Variants in FAM81A observed in about 807,000 individuals in gnomAD.
FAM81A encodes family with sequence similarity 81 member A.
Under a neutral mutation model 46.7 loss-of-function variants are expected in FAM81A, and 19 were observed. The observed-to-expected ratio is 0.41, with a 90% CI of 0.28 to 0.60. FAM81A has a LOEUF of 0.60. FAM81A is among the 20% of genes least tolerant of loss of function. The pLI is 0.34. For missense variants in FAM81A, 377 were observed against 453.5 expected (o/e 0.83, Z 1.53); for synonymous variants, 183 against 152.9 (o/e 1.20, Z -1.45).
chr15:59,481,845 A>G (rs566383521), intron 3 of FAM81A, among the ~76,000 whole-genome samples: 1 of 151,572 alleles, frequency 6.6e-6, no homozygotes, highest in South Asian at 2.1e-4. Flanking sequence ...TTTTATTTCT[A>G]TTTTTTAGGC....
At chr15:59,468,796 T>C (rs2081648498) in intron 3 of FAM81A, among the ~76,000 whole-genome samples, 1 of 152,208 alleles carries the variant, frequency 6.6e-6, no homozygotes, top group Non-Finnish European at 1.5e-5. Context: ...GTTCTTTTAA[T>C]TGTGTTGTTA....
chr15:59,452,300 C>A (rs1255254933), intron 1 of FAM81A, among the ~76,000 whole-genome samples: 2 of 152,188 alleles, frequency 1.3e-5, no homozygotes, highest in Non-Finnish European at 2.9e-5. Context: ...CATTAAGGGG[C>A]TGGCTAACAA....
In FAM81A at chr15:59,516,742, G is replaced by C. The variant is rs202139461; in HGVS notation, c.884G>C (p.Arg295Thr). 1.7e-5 allele frequency: 28 copies of C among 1,613,568 alleles called. No individual in the cohort carries two copies. The highest frequency in any genetic ancestry group is 2.4e-5 in the Non-Finnish European group (28 of 1,179,804). Reference protein sequence around the residue: ...EGQKKTFDGQRTRQEEEKMHG... With the variant: ...EGQKKTFDGQTTRQEEEKMHG... ...CAAAAGAAGACTTTTGATGGTCAGA[G>C]AACAAGGCAAGAAGAGGAGAAGATG... The change falls in exon 8 of 9, where the codon AGA (arginine) becomes ACA (threonine). Residue 295 changes from arginine to threonine, a missense_variant. Arg to Thr is a moderately conservative substitution (Grantham distance 71, BLOSUM62 -1). Transcript: ENST00000288228.
chr15:59,470,974 C>T (rs1197652366), intron 3 of FAM81A, among the ~76,000 whole-genome samples: 4 of 152,034 alleles, frequency 2.6e-5, no homozygotes, highest in African/African-American at 7.2e-5. Flanking sequence ...AGGTGCATGC[C>T]ACCACATCCA....
At chr15:59,495,780 T>G (rs1262317176) in intron 4 of FAM81A, among the ~76,000 whole-genome samples, 1 of 152,206 alleles carries the variant, frequency 6.6e-6, no homozygotes, top group East Asian at 1.9e-4. Flanking sequence ...GTGTTGAACA[T>G]CATTTAATGT....
rs1011601423 is a variant in FAM81A, at chr15:59,522,648, A to G, written c.*1270A>G. ...TGTATGTAAAAACTGACAGTGAGAC[A>G]CAACGTTCTGAACTGTGAGGGTGTC... On this transcript the variant is annotated 3_prime_UTR_variant, in exon 9 of 9. Coordinates refer to ENST00000288228, the MANE Select transcript of FAM81A (RefSeq NM_152450.3). The G allele has an allele frequency of 1.3e-5, 2 of 152,750 alleles. No individual in the cohort carries two copies. Among genetic ancestry groups the G allele is most frequent in the South Asian group, 4.1e-4 (2 of 4,830 alleles). 9.5% of individuals were successfully genotyped at this position (152,750 alleles called of 1,614,324 possible). A position where few individuals can be genotyped will look rare whatever the true frequency, so the allele number is the denominator to read the frequency against.
chr15:59,438,192 G>A lies in FAM81A; in HGVS notation c.-168G>A, dbSNP rs1228554955. 1 of 146,452 alleles carries A rather than the reference G, an allele frequency of 6.8e-6. No homozygotes were observed. The allele number at this position is 146,452 out of a possible 1,614,324, so 9.1% of individuals were successfully genotyped here. A position where few individuals can be genotyped will look rare whatever the true frequency, so the allele number is the denominator to read the frequency against. On this transcript the variant is annotated 5_prime_UTR_variant, in exon 1 of 9. Coordinates refer to ENST00000288228, the MANE Select transcript of FAM81A (RefSeq NM_152450.3). Reference sequence around the variant, plus strand: ...CTCCCCGCGGCGCGGGCCCGCAGCCGGGCGCCCTGCTCAGCCAGCGCCAGC... The same window carrying A: ...CTCCCCGCGGCGCGGGCCCGCAGCCAGGCGCCCTGCTCAGCCAGCGCCAGC...
chr15:59,454,230 ATGGT>A (rs2081455008), intron 1 of FAM81A, among the ~76,000 whole-genome samples: 1 of 152,114 alleles, frequency 6.6e-6, no homozygotes, highest in Non-Finnish European at 1.5e-5. Context: ...TTTTATTCTG[ATGGT>A]TGGGCATAAT....
chr15:59,459,447 C>T (rs11853709), intron 2 of FAM81A, among the ~76,000 whole-genome samples: 4,163 of 152,262 alleles, frequency 0.027, 92 homozygotes, highest in South Asian at 0.048. Flanking sequence ...TGGAGCAGAA[C>T]TGTGGCTCCC....
chr15:59,475,588 T>C (rs955280784), intron 3 of FAM81A, among the ~76,000 whole-genome samples: 1 of 152,242 alleles, frequency 6.6e-6, no homozygotes, highest in Non-Finnish European at 1.5e-5. Context: ...CTTTTATATT[T>C]ACATGTATTT....
chr15:59,486,823 TC>T (rs1175490141), intron 3 of FAM81A, among the ~76,000 whole-genome samples: 2 of 152,100 alleles, frequency 1.3e-5, no homozygotes, highest in Non-Finnish European at 2.9e-5. Context: ...ATAAAGACTT[TC>T]CCAGACAAAC....
intron 3 of FAM81A, among the ~76,000 whole-genome samples, chr15:59,466,972 C>T (rs1337889799): frequency 6.6e-6 from 1 of 152,006 alleles, no homozygotes; most frequent in Non-Finnish European, 1.5e-5. Flanking sequence ...GCGTCCTTTC[C>T]CCATTTCTTG....
intron 2 of FAM81A, among the ~76,000 whole-genome samples, chr15:59,412,284 G>C (rs1206682201): frequency 6.6e-6 from 1 of 152,204 alleles, no homozygotes; most frequent in Non-Finnish European, 1.5e-5. Flanking sequence ...GGAGGTTCAG[G>C]AGTTTTGTTG....
At chr15:59,439,172 G>A (rs2081270407) in intron 1 of FAM81A, 1 of 151,650 alleles carries the variant, frequency 6.6e-6, no homozygotes, top group Non-Finnish European at 1.5e-5. Flanking sequence ...GTCTGCGTAC[G>A]GCAGTGTTGG....
At chr15:59,475,083 A>G (rs2081748568) in intron 3 of FAM81A, among the ~76,000 whole-genome samples, 1 of 152,210 alleles carries the variant, frequency 6.6e-6, no homozygotes, top group Non-Finnish European at 1.5e-5. Flanking sequence ...AGCTGTATCA[A>G]AAAATCTGCC....
intron 3 of FAM81A, among the ~76,000 whole-genome samples, chr15:59,476,870 C>A (rs766952297): frequency 6.6e-6 from 1 of 151,044 alleles, no homozygotes; most frequent in Non-Finnish European, 1.5e-5. Context: ...ACCTGTAATC[C>A]CAGCACTTTG....
At chr15:59,489,360 G>A (rs1437886070) in intron 3 of FAM81A, among the ~76,000 whole-genome samples, 6 of 151,616 alleles carry the variant, frequency 4.0e-5, no homozygotes, top group African/African-American at 1.5e-4. Context: ...AGAAGTGAAA[G>A]ATCTCTACAA....
At chr15:59,512,957 A>G (rs1251804365) in intron 6 of FAM81A, among the ~76,000 whole-genome samples, 1 of 152,230 alleles carries the variant, frequency 6.6e-6, no homozygotes, top group Non-Finnish European at 1.5e-5. Context: ...CCATGTACCC[A>G]GTTAACATTT....
intron 1 of FAM81A, among the ~76,000 whole-genome samples, chr15:59,454,188 C>A (rs2081454542): frequency 6.6e-6 from 1 of 152,230 alleles, no homozygotes; most frequent in African/African-American, 2.4e-5. Context: ...CATCATATTA[C>A]AACCACTTTA....
Sources: allele counts gnomAD v4.1 joint callset (sites outside exome capture counted in the v4.1 genomes callset), GRCh38; gene constraint gnomAD v4.1.1; transcripts MANE v1.5; gene names NCBI Gene and HGNC (gene_info 2026-07-23, HGNC 2026-07-21).